STPG2: variants seen among roughly 807,000 people sequenced by gnomAD.
The protein encoded by STPG2 is sperm tail PG-rich repeat containing 2, also known as sperm-tail PG-rich repeat-containing protein 2.
A neutral mutation model predicts 54.2 loss-of-function variants in STPG2; 56 were observed. The observed-to-expected ratio is 1.03, with a 90% CI of 0.83 to 1.29. The LOEUF is 1.29. STPG2 is among the 50% of genes most tolerant of loss of function. The probability of loss-of-function intolerance (pLI) is 0.00; values close to 1 mark genes in which losing one functional copy is unlikely to be tolerated. For synonymous variants in STPG2, 200 were observed against 181.8 expected, an observed-to-expected ratio of 1.10 and a Z score of -0.81; for missense variants, 596 against 544.9, an observed-to-expected ratio of 1.09 and a Z score of -0.93.
At chr4:97,535,424 C>T (rs1215792275) in intron 4 of STPG2, among the ~76,000 whole-genome samples, 1 of 152,154 alleles carries the variant, frequency 6.6e-6, no homozygotes, top group Admixed American at 6.5e-5. Flanking sequence ...TTCATTTAGC[C>T]TATCTTTGAG....
intron 10 of STPG2, among the ~76,000 whole-genome samples, chr4:97,635,495 A>G (rs1313477281): frequency 6.6e-6 from 1 of 152,200 alleles, no homozygotes; most frequent in Non-Finnish European, 1.5e-5. Context: ...TAACCCTATT[A>G]ACTTTAAATG....
At position 98,111,893 on chromosome 4, in the gene STPG2, G is replaced by GAA. The variant is rs1269661812; in HGVS notation, c.388-2590_388-2589dup. On this transcript the variant is annotated intron_variant, in intron 3 of 10. Coordinates refer to ENST00000295268, the MANE Select transcript of STPG2 (RefSeq NM_174952.3). The stretch of plus-strand genomic sequence containing the variant: ...CATCTTCTCCTACCTTCGGACATCA[G>GAA]AACTCCAGGTTTTCTAGCCTTTGGA... Among the ~76,000 whole-genome samples, 4 of 152,138 alleles carry GAA rather than the reference G, an allele frequency of 2.6e-5. No homozygotes were observed. The East Asian group carries it at 7.8e-4, about 30-fold the overall frequency.
At chr4:97,507,965 G>A (rs573422022) in intron 4 of STPG2, among the ~76,000 whole-genome samples, 30 of 151,956 alleles carry the variant, frequency 2.0e-4, no homozygotes, top group Admixed American at 5.3e-4. Context: ...ATCTTTAGCC[G>A]CCCGCTACTC....
chr4:97,989,637 C>A (rs1419977706), intron 5 of STPG2, among the ~76,000 whole-genome samples: 1 of 152,132 alleles, frequency 6.6e-6, no homozygotes, highest in Non-Finnish European at 1.5e-5. Context: ...TAACTTTCAC[C>A]TTTCCAAAGG....
chr4:97,544,876 C>T (rs1391785242), intron 4 of STPG2, among the ~76,000 whole-genome samples: 1 of 152,074 alleles, frequency 6.6e-6, no homozygotes, highest in African/African-American at 2.4e-5. Flanking sequence ...AAGTCTAAAT[C>T]TAGGTAAACT....
intron 8 of STPG2, among the ~76,000 whole-genome samples, chr4:97,875,554 C>A (rs1254453445): frequency 6.6e-6 from 1 of 151,870 alleles, no homozygotes; most frequent in Non-Finnish European, 1.5e-5. Context: ...TTTTTTAAGA[C>A]ATTAATTCCA....
intron 4 of STPG2, among the ~76,000 whole-genome samples, chr4:97,455,463 C>G (rs1054325574): frequency 6.6e-6 from 1 of 152,074 alleles, no homozygotes; most frequent in African/African-American, 2.4e-5. Context: ...CCAGCAGACA[C>G]CAGCAGATGT....
chr4:97,585,744 A>G (rs1245492911), intron 10 of STPG2, among the ~76,000 whole-genome samples: 2 of 151,984 alleles, frequency 1.3e-5, no homozygotes, highest in African/African-American at 4.8e-5. Flanking sequence ...ATATCCAGTG[A>G]TACCAGATAA....
At chr4:97,860,840 C>A (rs1432240871) in intron 8 of STPG2, among the ~76,000 whole-genome samples, 1 of 152,134 alleles carries the variant, frequency 6.6e-6, no homozygotes, top group Non-Finnish European at 1.5e-5. Flanking sequence ...AAGTGTGAGT[C>A]CTTGTCTTAT....
rs756995338 is a variant in STPG2, at chr4:97,981,130, G to C, written c.772+29C>G. 1.9e-6 allele frequency: 3 copies of C among 1,604,736 alleles called. No individual in the cohort carries two copies. In the Admixed American group the frequency reaches 5.1e-5, roughly 27 times the overall value. On this transcript the variant is annotated intron_variant, in intron 6 of 10. Coordinates refer to ENST00000295268, the MANE Select transcript of STPG2 (RefSeq NM_174952.3). ...CATTAAGTTTCTTTATAAAGCCAAA[G>C]AGTAGACATATATAGATAAATTGCT... is the stretch of plus-strand genomic sequence containing the variant.
At chr4:97,497,731 C>T (rs973601367) in intron 4 of STPG2, among the ~76,000 whole-genome samples, 1 of 151,798 alleles carries the variant, frequency 6.6e-6, no homozygotes, top group Admixed American at 6.6e-5. Context: ...GTTTGCAACA[C>T]TTTTAGAGAA....
chr4:97,780,499 A>G (rs1726563757), intron 9 of STPG2, among the ~76,000 whole-genome samples: 1 of 67,270 alleles, frequency 1.5e-5, no homozygotes, highest in South Asian at 6.0e-4. Context: ...TTAACACCCC[A>G]CTGTCAACAT....
At chr4:97,741,895 C>T (rs367821114) in intron 9 of STPG2, among the ~76,000 whole-genome samples, 1 of 152,098 alleles carries the variant, frequency 6.6e-6, no homozygotes, top group Non-Finnish European at 1.5e-5. Flanking sequence ...AATCATGCTG[C>T]TATAAAGACA....
At chr4:97,572,180 T>C (rs981970168) in intron 10 of STPG2, among the ~76,000 whole-genome samples, 1 of 152,172 alleles carries the variant, frequency 6.6e-6, no homozygotes, top group Non-Finnish European at 1.5e-5. Flanking sequence ...CAGTTTTCAT[T>C]TGATTCATTT....
chr4:97,922,259 T>C lies in STPG2; in HGVS notation c.1044+21638A>G, dbSNP rs1006130089. Reference sequence around the variant, plus strand: ...ATACATCAAAACATCACATTGTATGTCATATATATATATATGTAATTTTTA... The same window carrying C: ...ATACATCAAAACATCACATTGTATGCCATATATATATATATGTAATTTTTA... On this transcript the variant is annotated intron_variant, in intron 8 of 10. Coordinates refer to ENST00000295268, the MANE Select transcript of STPG2 (RefSeq NM_174952.3). Among the ~76,000 whole-genome samples the C allele has an allele frequency of 2.0e-5, 3 of 152,088 alleles. No individual in the cohort carries two copies. In the East Asian group the frequency reaches 5.8e-4, roughly 29 times the overall value.
intron 10 of STPG2, among the ~76,000 whole-genome samples, chr4:97,653,454 T>C (rs1560704621): frequency 6.7e-6 from 1 of 150,274 alleles, no homozygotes. Context: ...GAAAGTAAAA[T>C]AAAATAAAAC....
intron 4 of STPG2, among the ~76,000 whole-genome samples, chr4:97,449,936 A>C (rs1294109782): frequency 2.6e-5 from 4 of 152,180 alleles, no homozygotes; most frequent in Non-Finnish European, 5.9e-5. Context: ...CAATGCAAAC[A>C]ATGTAGCCTA....
At position 97,899,731 on chromosome 4, in the gene STPG2, C is replaced by T. The variant is rs569987739; in HGVS notation, c.1044+44166G>A. ...AAACATGCAATGGGGAAAATAATCC[C>T]TATTCAATAAATGGTGCCGGGATAA... On this transcript the variant is annotated intron_variant, in intron 8 of 10. Coordinates refer to ENST00000295268, the MANE Select transcript of STPG2 (RefSeq NM_174952.3). 7.9e-5 allele frequency among the ~76,000 whole-genome samples: 12 copies of T among 152,222 alleles called. No individual in the cohort carries two copies. In the South Asian group the frequency reaches 2.1e-3, roughly 26 times the overall value.
chr4:97,766,208 T>C (rs1726045355), intron 9 of STPG2, among the ~76,000 whole-genome samples: 2 of 152,128 alleles, frequency 1.3e-5, no homozygotes, highest in Admixed American at 6.5e-5. Flanking sequence ...AGACCAACTG[T>C]CCTTTATGTC....
Sources: gnomAD v4.1 joint callset for allele counts (sites outside exome capture counted in the v4.1 genomes callset) on GRCh38, gnomAD v4.1.1 for gene constraint, MANE v1.5 for transcripts, NCBI Gene and HGNC (gene_info 2026-07-23, HGNC 2026-07-21) for gene names.